The following MALRD1 variants were observed in gnomAD, a reference collection of about 807,000 sequenced individuals.
MALRD1 encodes the protein MAM and LDL-receptor class A domain-containing protein 1.
Under a neutral mutation model 242.1 loss-of-function variants are expected in MALRD1, and 247 were observed. That is an observed-to-expected ratio of 1.02 (90% CI 0.92 to 1.13). The LOEUF (loss-of-function observed/expected upper bound fraction) is 1.13, where lower values mean the gene tolerates loss of function less well. Among genes scored for constraint, MALRD1 ranks in the 50% most tolerant of loss-of-function variants. The pLI is 0.00. For missense variants in MALRD1, 2,989 were observed against 2,533.1 expected (o/e 1.18, Z -3.86); for synonymous variants, 995 against 866.6 (o/e 1.15, Z -2.60).
intron 36 of MALRD1, among the ~76,000 whole-genome samples, chr10:19,617,949 T>G (rs530402992): frequency 6.6e-6 from 1 of 152,072 alleles, no homozygotes; most frequent in Non-Finnish European, 1.5e-5. Context: ...TAGTACTCAT[T>G]TTTTATTTTG....
intron 34 of MALRD1, chr10:19,598,569 A>C (rs1164132426): frequency 6.6e-6 from 1 of 152,052 alleles, no homozygotes; most frequent in Non-Finnish European, 1.5e-5. Flanking sequence ...GAGGAGAAGA[A>C]CATGTTGGGG....
At chr10:19,609,702 A>T (rs1041519452) in intron 35 of MALRD1, among the ~76,000 whole-genome samples, 1 of 152,088 alleles carries the variant, frequency 6.6e-6, no homozygotes, top group Non-Finnish European at 1.5e-5. Flanking sequence ...ATGCAAGTAT[A>T]TTATTTTCAA....
chr10:19,472,886 A>C (rs537434718), intron 29 of MALRD1, among the ~76,000 whole-genome samples: 1 of 151,276 alleles, frequency 6.6e-6, no homozygotes, highest in Non-Finnish European at 1.5e-5. Flanking sequence ...TGTATCATTT[A>C]TTTCTGTTCT....
At chr10:19,569,652 T>C (rs1836421672) in intron 33 of MALRD1, among the ~76,000 whole-genome samples, 1 of 147,280 alleles carries the variant, frequency 6.8e-6, no homozygotes, top group South Asian at 2.1e-4. Flanking sequence ...TGTATATATA[T>C]TATAAAATGT....
intron 1 of MALRD1, among the ~76,000 whole-genome samples, chr10:19,055,405 T>G (rs1834633128): frequency 6.6e-6 from 1 of 152,186 alleles, no homozygotes; most frequent in Admixed American, 6.5e-5. Context: ...TTTAGTTTGA[T>G]GCGGTCCTAT....
chr10:19,078,571 G>GT (rs1835389525), intron 2 of MALRD1, among the ~76,000 whole-genome samples: 1 of 151,712 alleles, frequency 6.6e-6, no homozygotes, highest in Admixed American at 6.6e-5. Context: ...TTCCTCTTTT[G>GT]TTTTTTATAA....
intron 31 of MALRD1, among the ~76,000 whole-genome samples, chr10:19,508,313 T>G (rs112848441): frequency 1.3e-5 from 2 of 152,196 alleles, no homozygotes; most frequent in Non-Finnish European, 2.9e-5. Context: ...CTGACACTTA[T>G]TAAATGTTTC....
At chr10:19,674,264 G>C (rs911525037) in intron 36 of MALRD1, among the ~76,000 whole-genome samples, 2 of 152,172 alleles carry the variant, frequency 1.3e-5, no homozygotes, top group African/African-American at 4.8e-5. Context: ...GGTTTGATAG[G>C]ATATGATGCC....
chr10:19,592,627 G>C (rs1589280620), intron 33 of MALRD1, among the ~76,000 whole-genome samples: 1 of 152,136 alleles, frequency 6.6e-6, no homozygotes. Flanking sequence ...AGTGAGTTCT[G>C]AGTGCCATTC....
intron 32 of MALRD1, among the ~76,000 whole-genome samples, chr10:19,543,340 T>G (rs1238543283): frequency 6.6e-6 from 1 of 151,220 alleles, no homozygotes; most frequent in East Asian, 1.9e-4. Context: ...CACAGCTCAC[T>G]GCAGCCTTGG....
At chr10:19,715,658 A>T (rs1196879225) in intron 38 of MALRD1, among the ~76,000 whole-genome samples, 1 of 152,220 alleles carries the variant, frequency 6.6e-6, no homozygotes, top group Non-Finnish European at 1.5e-5. Flanking sequence ...GAGGGTGGGT[A>T]ATTTATAAAG....
At chr10:19,380,096 T>C (rs546590148) in intron 26 of MALRD1, among the ~76,000 whole-genome samples, 25 of 150,200 alleles carry the variant, frequency 1.7e-4, no homozygotes, top group Non-Finnish European at 3.4e-4. Context: ...TGCCTTAGCC[T>C]CCCAAGTAGC....
intron 28 of MALRD1, among the ~76,000 whole-genome samples, chr10:19,398,020 G>A (rs1846665658): frequency 6.7e-6 from 1 of 149,726 alleles, no homozygotes; most frequent in Non-Finnish European, 1.5e-5. Flanking sequence ...TTGCTTTTTT[G>A]ACTATTGAAT....
chr10:19,104,938 T>C (rs1236438335), intron 5 of MALRD1, among the ~76,000 whole-genome samples: 1 of 152,148 alleles, frequency 6.6e-6, no homozygotes, highest in Non-Finnish European at 1.5e-5. Flanking sequence ...TACCATGTGA[T>C]GTTAAATACA....
At chr10:19,583,466 C>T (rs1035759576) in intron 33 of MALRD1, among the ~76,000 whole-genome samples, 1 of 150,054 alleles carries the variant, frequency 6.7e-6, no homozygotes, top group African/African-American at 2.5e-5. Context: ...GCCTTTTCTG[C>T]ATCTATTGAG....
At chr10:19,170,513 A>G (rs1834876915) in intron 13 of MALRD1, among the ~76,000 whole-genome samples, 1 of 152,192 alleles carries the variant, frequency 6.6e-6, no homozygotes, top group East Asian at 1.9e-4. Flanking sequence ...TAAATCAATA[A>G]CAATTTCCTG....
At chr10:19,690,430 A>G (rs1842768947) in intron 36 of MALRD1, among the ~76,000 whole-genome samples, 1 of 152,082 alleles carries the variant, frequency 6.6e-6, no homozygotes, top group Non-Finnish European at 1.5e-5. Flanking sequence ...AACATACATA[A>G]TAAAACTTCT....
intron 32 of MALRD1, among the ~76,000 whole-genome samples, chr10:19,543,011 C>T (rs542285516): frequency 1.2e-3 from 180 of 152,150 alleles, no homozygotes; most frequent in African/African-American, 4.2e-3. Flanking sequence ...TATGGATGTT[C>T]TACTGTCTTC....
At chr10:19,591,418 C>G (rs1258039421) in intron 33 of MALRD1, among the ~76,000 whole-genome samples, 1 of 151,736 alleles carries the variant, frequency 6.6e-6, no homozygotes. Flanking sequence ...GGGTGAAACC[C>G]AAGAATAAAT....
Sources: gnomAD v4.1 joint callset for allele counts (sites outside exome capture counted in the v4.1 genomes callset) on GRCh38, gnomAD v4.1.1 for gene constraint, MANE v1.5 for transcripts, NCBI Gene and HGNC (gene_info 2026-07-23, HGNC 2026-07-21) for gene names.